The following EYS variants were observed in gnomAD, a reference collection of about 807,000 sequenced individuals.
EYS encodes the protein EGF-like photoreceptor maintenance factor, also known as protein eyes shut homolog.
Under a neutral mutation model 282.1 loss-of-function variants are expected in EYS, and 250 were observed. The ratio of observed to expected loss-of-function variants is 0.89; its 90% CI spans 0.80 to 0.98. The LOEUF is 0.98. EYS is among the 50% of genes least tolerant of loss of function. The pLI, the probability that EYS is intolerant of heterozygous loss-of-function variation, is 0.00. For missense variants in EYS, 4,016 were observed against 3,709.0 expected, an observed-to-expected ratio of 1.08 and a Z score of -2.15; for synonymous variants, 1,355 against 1,282.9, an observed-to-expected ratio of 1.06 and a Z score of -1.20.
At chr6:65,092,216 A>G (rs536685822) in intron 12 of EYS, among the ~76,000 whole-genome samples, 13 of 152,310 alleles carry the variant, frequency 8.5e-5, no homozygotes, top group Non-Finnish European at 1.6e-4. Flanking sequence ...CAATCCAGTC[A>G]GTCTTGAATT....
intron 2 of EYS, among the ~76,000 whole-genome samples, chr6:65,593,244 T>C (rs16896892): frequency 0.2 from 30,559 of 152,016 alleles, 3,434 homozygotes; most frequent in East Asian, 0.35. Context: ...TATCTTTACA[T>C]AGTTGAGTAG....
Position 64,881,022 on chromosome 6 carries a change from C to A in EYS, c.2992+5675G>T, listed in dbSNP as rs544422182. Among the ~76,000 whole-genome samples, 7 of 151,544 alleles carry A rather than the reference C, an allele frequency of 4.6e-5. No individual in the cohort carries two copies. In the East Asian group the frequency reaches 1.4e-3, roughly 29 times the overall value. ...CCTTCTAGGAAGTAGTATTGCCATT[C>A]TCTGACACACCTGGCCTGAATTGAT... is the stretch of plus-strand genomic sequence containing the variant. On this transcript the variant is annotated intron_variant, in intron 19 of 42. Coordinates refer to ENST00000503581, the MANE Select transcript of EYS (RefSeq NM_001142800.2).
At chr6:65,454,564 TA>T (rs202241474) in intron 5 of EYS, among the ~76,000 whole-genome samples, 338 of 146,614 alleles carry the variant, frequency 2.3e-3, no homozygotes, top group South Asian at 0.013. Context: ...AGGTTTTATT[TA>T]AAAAAAAAAA....
chr6:64,224,982 G>T (rs1766212914), intron 31 of EYS, among the ~76,000 whole-genome samples: 1 of 152,020 alleles, frequency 6.6e-6, no homozygotes, highest in Admixed American at 6.6e-5. Context: ...TTAGCATATG[G>T]TTGAGGTTTT....
chr6:64,814,047 T>G (rs1764677598), intron 21 of EYS, among the ~76,000 whole-genome samples: 1 of 152,022 alleles, frequency 6.6e-6, no homozygotes, highest in Non-Finnish European at 1.5e-5. Context: ...AACAAACATT[T>G]CACAATGCAT....
At chr6:64,433,188 C>T (rs957083744) in intron 28 of EYS, among the ~76,000 whole-genome samples, 3 of 151,932 alleles carry the variant, frequency 2.0e-5, no homozygotes, top group African/African-American at 7.2e-5. Context: ...CCTTTTTCTT[C>T]CCAGTTCTAT....
chr6:64,758,955 G>A (rs928978953), intron 22 of EYS, among the ~76,000 whole-genome samples: 20 of 152,086 alleles, frequency 1.3e-4, no homozygotes, highest in African/African-American at 4.3e-4. Context: ...TGGCTAACAC[G>A]GTGAAACCCG....
intron 31 of EYS, among the ~76,000 whole-genome samples, chr6:64,196,562 C>T (rs1765293482): frequency 6.6e-6 from 1 of 152,000 alleles, no homozygotes; most frequent in African/African-American, 2.4e-5. Flanking sequence ...TACTATGCAG[C>T]CATGAAAAAT....
chr6:64,896,342 C>A lies in EYS; in HGVS notation c.2846+5771G>T, dbSNP rs142234987. Among the ~76,000 whole-genome samples the A allele has an allele frequency of 2.0e-4, 30 of 152,168 alleles. 1 individual carries two copies. The highest frequency in any genetic ancestry group is 7.2e-4 in the African/African-American group (30 of 41,542). ...GGGAAGTGCAAGGGGTCAGGGGCCT[C>A]CCTCCCCTAACCAAGGGAAGCCCAG... On this transcript the variant is annotated intron_variant, in intron 18 of 42. Transcript: ENST00000503581.
chr6:64,295,209 C>T lies in EYS; in HGVS notation c.6191+11761G>A, dbSNP rs961080070. On this transcript the variant is annotated intron_variant, in intron 30 of 42. Coordinates refer to ENST00000503581, the MANE Select transcript of EYS (RefSeq NM_001142800.2). ...CTAACATGGTGAAACCCCGTCTCTA[C>T]TAAAAATATTTAAAAAATTAGCCGT... Among the ~76,000 whole-genome samples, 11 of 149,084 alleles carry T rather than the reference C, an allele frequency of 7.4e-5. 1 individual carries two copies. The South Asian group carries it at 2.4e-3, about 32-fold the overall frequency.
intron 31 of EYS, among the ~76,000 whole-genome samples, chr6:64,223,105 C>A (rs1054025511): frequency 4.6e-5 from 7 of 151,948 alleles, no homozygotes; most frequent in Middle Eastern, 3.4e-3. Context: ...TTTAAAAAGG[C>A]CTTTCTCCAC....
rs777595630 is a variant in EYS at position 65,676,134 on chromosome 6, G to C, written c.-448+31001C>G. 2.0e-5 allele frequency among the ~76,000 whole-genome samples: 3 copies of C among 151,586 alleles called. No homozygotes were observed. In the East Asian group the frequency reaches 5.8e-4, roughly 29 times the overall value. ...TAAACACCTACATTATAAAGAAAAG[G>C]TATCTCAAATAAACAACCTAACTTT... is the stretch of plus-strand genomic sequence containing the variant. On this transcript the variant is annotated intron_variant, in intron 1 of 42. Coordinates refer to ENST00000503581, the MANE Select transcript of EYS (RefSeq NM_001142800.2).
chr6:64,670,899 C>T (rs751711003), intron 22 of EYS, among the ~76,000 whole-genome samples: 54 of 151,606 alleles, frequency 3.6e-4, no homozygotes, highest in Non-Finnish European at 6.6e-4. Context: ...CAGCCTCCCT[C>T]CCCCACCCTC....
chr6:63,964,916 G>T (rs1458110315), intron 35 of EYS, among the ~76,000 whole-genome samples: 1 of 152,126 alleles, frequency 6.6e-6, no homozygotes, highest in Non-Finnish European at 1.5e-5. Flanking sequence ...AACAGATACT[G>T]CCAGGTTTCT....
At chr6:63,962,275 A>G (rs1048109266) in intron 35 of EYS, among the ~76,000 whole-genome samples, 1 of 152,184 alleles carries the variant, frequency 6.6e-6, no homozygotes, top group Non-Finnish European at 1.5e-5. Context: ...TAATTAAACT[A>G]AAGAGCTTCT....
intron 19 of EYS, among the ~76,000 whole-genome samples, chr6:64,856,228 GA>G (rs1398407674): frequency 3.9e-5 from 6 of 152,062 alleles, no homozygotes; most frequent in Non-Finnish European, 8.8e-5. Flanking sequence ...ATCTCCACCA[GA>G]AATAAATGAG....
At chr6:64,294,563 T>A (rs986064963) in intron 30 of EYS, among the ~76,000 whole-genome samples, 1 of 152,232 alleles carries the variant, frequency 6.6e-6, no homozygotes, top group Non-Finnish European at 1.5e-5. Flanking sequence ...TCTGTCCAGA[T>A]GAGCCTTGCT....
intron 2 of EYS, among the ~76,000 whole-genome samples, chr6:65,532,703 A>T (rs1017289463): frequency 7.2e-5 from 11 of 152,174 alleles, no homozygotes; most frequent in South Asian, 2.1e-4. Flanking sequence ...AATAACAGAG[A>T]TTAGAAATGA....
intron 22 of EYS, among the ~76,000 whole-genome samples, chr6:64,790,957 C>A (rs1236066362): frequency 6.6e-6 from 1 of 151,798 alleles, no homozygotes; most frequent in Admixed American, 6.6e-5. Flanking sequence ...CTTTAGAGTT[C>A]ATTTGCAAAA....
Sources: gnomAD v4.1 joint callset for allele counts (sites outside exome capture counted in the v4.1 genomes callset) on GRCh38, gnomAD v4.1.1 for gene constraint, MANE v1.5 for transcripts, NCBI Gene and HGNC (gene_info 2026-07-23, HGNC 2026-07-21) for gene names.